Variants in XRCC6 observed in about 807,000 individuals in gnomAD.
The protein encoded by XRCC6 is X-ray repair cross complementing 6.
In XRCC6, 5 loss-of-function variants were observed where a neutral mutation model predicts 65.7. The ratio of observed to expected loss-of-function variants is 0.08; its 90% CI spans 0.04 to 0.16. The LOEUF is 0.16. Ranked by LOEUF, XRCC6 falls within the 10% of genes least tolerant of loss-of-function variation. The probability of loss-of-function intolerance (pLI) is 1.00; values close to 1 mark genes in which losing one functional copy is unlikely to be tolerated. For missense variants in XRCC6, 447 were observed against 738.1 expected (o/e 0.61, Z 4.57); for synonymous variants, 270 against 270.6 (o/e 1.00, Z 0.02).
chr22:41,657,027 A>C lies in XRCC6; in HGVS notation c.1416A>C (p.Thr472=). Reference sequence around the variant, plus strand: ...CTATCGTTGAGAAGCTTCGCTTCACATACAGGTGAGTCAATCTCAGGCTTT... The same window carrying C: ...CTATCGTTGAGAAGCTTCGCTTCACCTACAGGTGAGTCAATCTCAGGCTTT... The part of the protein sequence containing the change: ...MKAIVEKLRF[T]YRSDSFENPV... The change falls in exon 10 of 13, where the codon ACA becomes ACC. Residue 472 remains threonine, a synonymous_variant. Coordinates refer to ENST00000360079, the MANE Select transcript of XRCC6 (RefSeq NM_001469.5). The C allele has an allele frequency of 6.3e-7, 1 of 1,577,740 alleles. No homozygotes were observed. The highest frequency in any genetic ancestry group is 8.6e-7 in the Non-Finnish European group (1 of 1,167,886).
At chr22:41,645,040 C>T (rs1017498044) in intron 6 of XRCC6, among the ~76,000 whole-genome samples, 4 of 151,858 alleles carry the variant, frequency 2.6e-5, no homozygotes, top group African/African-American at 9.7e-5. Context: ...GTGGCTCACA[C>T]CTGTAATCCC....
chr22:41,659,136 T>C (rs1264595638), intron 11 of XRCC6, among the ~76,000 whole-genome samples: 17 of 152,080 alleles, frequency 1.1e-4, no homozygotes, highest in African/African-American at 2.4e-5. Flanking sequence ...GATTTCGCCA[T>C]GATGGCCCGG....
intron 2 of XRCC6, among the ~76,000 whole-genome samples, chr22:41,626,631 G>GTTTTTTT (rs921225213): frequency 1.1e-4 from 12 of 111,512 alleles, no homozygotes; most frequent in Admixed American, 1.8e-4. Context: ...ATGTTTGTTT[G>GTTTTTTT]TTTTTTTTTT....
chr22:41,634,326 T>G (rs1315391139), intron 3 of XRCC6, among the ~76,000 whole-genome samples: 1 of 151,466 alleles, frequency 6.6e-6, no homozygotes, highest in Non-Finnish European at 1.5e-5. Flanking sequence ...AGCTGAGTAG[T>G]GGGGACTACA....
intron 8 of XRCC6, among the ~76,000 whole-genome samples, chr22:41,652,628 A>G (rs1237582880): frequency 6.6e-6 from 1 of 152,054 alleles, no homozygotes; most frequent in Non-Finnish European, 1.5e-5. Context: ...GGCCTCCCAG[A>G]GTGCTAGGAC....
intron 6 of XRCC6, among the ~76,000 whole-genome samples, chr22:41,639,329 CT>C (rs386395480): frequency 0.015 from 954 of 64,502 alleles, 3 homozygotes; most frequent in African/African-American, 0.054. Context: ...GATTCTTTTT[CT>C]TTTTTTTTTT....
intron 11 of XRCC6, 48 bp downstream of exon 11, chr22:41,658,400 T>C (rs1569098446): frequency 1.9e-6 from 3 of 1,566,072 alleles, no homozygotes. Flanking sequence ...GCTTTCTTAC[T>C]GGTTCCACTC....
At chr22:41,628,364 A>G (rs1171870400) in intron 3 of XRCC6, 134 bp downstream of exon 3, 1 of 620,066 alleles carries the variant, frequency 1.6e-6, no homozygotes, top group Non-Finnish European at 2.7e-6. Context: ...TTTGAGACCA[A>G]CCTGGTAACA....
At chr22:41,628,768 GC>G (rs2067706397) in intron 3 of XRCC6, among the ~76,000 whole-genome samples, 1 of 151,954 alleles carries the variant, frequency 6.6e-6, no homozygotes, top group Non-Finnish European at 1.5e-5. Context: ...CAGGAGACCA[GC>G]TTGGCCAACA....
chr22:41,630,414 G>A (rs1438416973), intron 3 of XRCC6, among the ~76,000 whole-genome samples: 2 of 151,602 alleles, frequency 1.3e-5, no homozygotes. Flanking sequence ...CTGGCACATT[G>A]TGAATGTATT....
intron 2 of XRCC6, among the ~76,000 whole-genome samples, chr22:41,625,178 G>A (rs530275324): frequency 1.3e-5 from 2 of 152,084 alleles, no homozygotes; most frequent in Non-Finnish European, 2.9e-5. Context: ...GGTAGCGCAT[G>A]CCTGTAATCC....
At chr22:41,621,428 C>G (rs1314070390) in intron 1 of XRCC6, 83 bp downstream of exon 1, 4 of 163,926 alleles carry the variant, frequency 2.4e-5, no homozygotes, top group South Asian at 1.4e-4. Context: ...TCGCGCGCCC[C>G]CATAGCCTTG....
chr22:41,625,193 A>G (rs1688149118), intron 2 of XRCC6, among the ~76,000 whole-genome samples: 1 of 152,178 alleles, frequency 6.6e-6, no homozygotes, highest in Non-Finnish European at 1.5e-5. Flanking sequence ...TAATCCTGCT[A>G]CTCAGGAGGC....
chr22:41,625,173 C>T lies in XRCC6; in HGVS notation c.83-2945C>T, dbSNP rs778528294. 6.6e-5 allele frequency among the ~76,000 whole-genome samples: 10 copies of T among 151,842 alleles called. No homozygotes were observed. The South Asian group carries it at 1.0e-3, about 16-fold the overall frequency. ...ATACAAAATAAGCCAGGCGTGGTAG[C>T]GCATGCCTGTAATCCTGCTACTCAG... On this transcript the variant is annotated intron_variant, in intron 2 of 12. Transcript: ENST00000360079.
At chr22:41,621,564 C>T (rs964635154) in intron 1 of XRCC6, 1 of 168,898 alleles carries the variant, frequency 5.9e-6, no homozygotes, top group Non-Finnish European at 1.3e-5. Context: ...TGAGGCCCGC[C>T]TGCGCTTGCG....
intron 6 of XRCC6, 44 bp from the exon 7 acceptor site, chr22:41,646,852 G>A: frequency 6.6e-7 from 1 of 1,510,854 alleles, no homozygotes; most frequent in Non-Finnish European, 8.9e-7. Flanking sequence ...AGATAGAAAA[G>A]TGCAGTTTTT....
At chr22:41,638,283 C>T (rs767835895) in intron 6 of XRCC6, among the ~76,000 whole-genome samples, 3 of 152,066 alleles carry the variant, frequency 2.0e-5, no homozygotes, top group East Asian at 1.9e-4. Context: ...CTTAGAATTG[C>T]GTCATTAGGC....
At chr22:41,655,301 ATTG>A (rs2068034880) in intron 9 of XRCC6, among the ~76,000 whole-genome samples, 1 of 151,948 alleles carries the variant, frequency 6.6e-6, no homozygotes. Flanking sequence ...GAACCACAAA[ATTG>A]TTAAGGGAAA....
chr22:41,661,522 C>A, intron 12 of XRCC6, 78 bp downstream of exon 12: 2 of 1,201,956 alleles, frequency 1.7e-6, no homozygotes, highest in Non-Finnish European at 1.2e-6. Flanking sequence ...GGGCAATATC[C>A]TTTCAGAAAT....
Sources: allele counts gnomAD v4.1 joint callset (sites outside exome capture counted in the v4.1 genomes callset), GRCh38; gene constraint gnomAD v4.1.1; transcripts MANE v1.5; gene names NCBI Gene and HGNC (gene_info 2026-07-23, HGNC 2026-07-21).